CLEC16A: variants seen among roughly 807,000 people sequenced by gnomAD.
The protein encoded by CLEC16A is protein CLEC16A.
Under a neutral mutation model 109.5 loss-of-function variants are expected in CLEC16A, and 51 were observed. That is an observed-to-expected ratio of 0.47 (90% confidence interval 0.37 to 0.59). The LOEUF (loss-of-function observed/expected upper bound fraction) is 0.59, where lower values mean the gene tolerates loss of function less well. Ranked by LOEUF, CLEC16A falls within the 20% of genes least tolerant of loss-of-function variation. CLEC16A has a pLI of 0.00. For missense variants in CLEC16A, 1,339 were observed against 1,394.0 expected, an observed-to-expected ratio of 0.96 and a Z score of 0.63; for synonymous variants, 673 against 564.2, an observed-to-expected ratio of 1.19 and a Z score of -2.73.
intron 19 of CLEC16A, among the ~76,000 whole-genome samples, chr16:11,106,653 C>T (rs1426291096): frequency 1.3e-5 from 2 of 151,544 alleles, no homozygotes; most frequent in African/African-American, 4.9e-5. Flanking sequence ...CCTGGCTTCT[C>T]TTCTTTTTTT....
intron 19 of CLEC16A, among the ~76,000 whole-genome samples, chr16:11,095,593 C>T (rs912276476): frequency 8.5e-5 from 13 of 152,118 alleles, no homozygotes; most frequent in African/African-American, 3.1e-4. Flanking sequence ...AGGCAGATCA[C>T]CTGAGATCAG....
intron 1 of CLEC16A, among the ~76,000 whole-genome samples, chr16:10,953,709 G>A (rs939404561): frequency 6.6e-6 from 1 of 152,236 alleles, no homozygotes; most frequent in African/African-American, 2.4e-5. Flanking sequence ...AGGCGCGGTG[G>A]CTCACGCCTG....
Position 11,050,647 on chromosome 16 carries a change from C to A in CLEC16A, c.1867-866C>A, listed in dbSNP as rs113471308. 2.5e-3 allele frequency among the ~76,000 whole-genome samples: 383 copies of A among 152,318 alleles called. 2 individuals carry two copies. Among genetic ancestry groups the A allele is most frequent in the African/African-American group, 8.6e-3 (359 of 41,560 alleles). On this transcript the variant is annotated intron_variant, in intron 17 of 23. Coordinates refer to ENST00000409790, the MANE Select transcript of CLEC16A (RefSeq NM_015226.3). ...GGGGATGTCACCCTGTGTCTTAGTC[C>A]TCAAAGAAGGCTTCGCAGAGGTGGT...
At chr16:11,133,820 C>G (rs957651100) in intron 22 of CLEC16A, among the ~76,000 whole-genome samples, 1 of 152,166 alleles carries the variant, frequency 6.6e-6, no homozygotes, top group Non-Finnish European at 1.5e-5. Flanking sequence ...GAAGAAGGAC[C>G]TGGGGCTTCC....
At chr16:11,044,219 T>A (rs2152860862) in intron 16 of CLEC16A, 147 bp downstream of exon 16, 2 of 604,788 alleles carry the variant, frequency 3.3e-6, no homozygotes, top group East Asian at 6.6e-5. Flanking sequence ...AATTTCATAG[T>A]CCCTAGAGTA....
intron 19 of CLEC16A, among the ~76,000 whole-genome samples, chr16:11,120,138 C>G (rs567995993): frequency 2.0e-5 from 3 of 152,206 alleles, no homozygotes; most frequent in African/African-American, 4.8e-5. Context: ...CCCAGCTAAT[C>G]TTTTGTAGTT....
chr16:11,101,822 A>G (rs998800533), intron 19 of CLEC16A, among the ~76,000 whole-genome samples: 16 of 149,276 alleles, frequency 1.1e-4, no homozygotes, highest in African/African-American at 3.7e-4. Flanking sequence ...TTTTTTTTTG[A>G]AACAGGGTAT....
At chr16:10,991,334 G>T (rs370096168) in intron 10 of CLEC16A, among the ~76,000 whole-genome samples, 1 of 143,980 alleles carries the variant, frequency 6.9e-6, no homozygotes, top group Non-Finnish European at 1.5e-5. Context: ...TGGTCATAAA[G>T]AACATCGTGA....
intron 2 of CLEC16A, among the ~76,000 whole-genome samples, chr16:10,959,012 C>CGG (rs1555518327): frequency 2.7e-5 from 3 of 113,092 alleles, no homozygotes; most frequent in African/African-American, 1.3e-4. Flanking sequence ...CCACTAAACA[C>CGG]GGGTGTGTGT....
rs531803471 is a variant in CLEC16A, at chr16:11,155,772, G to A, written c.2642-10616G>A. The stretch of plus-strand genomic sequence containing the variant: ...GAGACTTTGGTGAGGTGACCCAGCT[G>A]CAGAAGTTAACTACCCCACCCTGCA... On this transcript the variant is annotated intron_variant, in intron 22 of 23. Transcript: ENST00000409790. Among the ~76,000 whole-genome samples the A allele has an allele frequency of 1.8e-4, 28 of 152,322 alleles. No individual in the cohort carries two copies. In the South Asian group the frequency reaches 5.6e-3, roughly 30 times the overall value.
At chr16:11,161,641 A>G (rs910717165) in intron 22 of CLEC16A, among the ~76,000 whole-genome samples, 4 of 152,224 alleles carry the variant, frequency 2.6e-5, no homozygotes, top group African/African-American at 9.6e-5. Flanking sequence ...ATCTAGGCAT[A>G]AAGAGCAGAG....
chr16:11,058,902 CCTTT>C (rs1437155926), intron 18 of CLEC16A, among the ~76,000 whole-genome samples: 3 of 152,140 alleles, frequency 2.0e-5, no homozygotes, highest in Admixed American at 6.5e-5. Flanking sequence ...TGGGCCGTTT[CCTTT>C]CTTTCTCATC....
intron 19 of CLEC16A, among the ~76,000 whole-genome samples, chr16:11,101,598 C>G (rs1485893830): frequency 2.0e-5 from 3 of 152,202 alleles, no homozygotes; most frequent in Admixed American, 2.0e-4. Flanking sequence ...AGGCATCCCT[C>G]CTCTCCACAG....
intron 22 of CLEC16A, among the ~76,000 whole-genome samples, chr16:11,132,237 C>CCCCCCCCCCCG (rs1555498110): frequency 3.7e-5 from 5 of 136,142 alleles, no homozygotes; most frequent in African/African-American, 1.4e-4. Context: ...CCCACCCACC[C>CCCCCCCCCCCG]CCCCCGCCCC....
rs146628825 is a variant in CLEC16A at position 11,113,243 on chromosome 16, C to G, written c.2117-7372C>G. Among the ~76,000 whole-genome samples the G allele has an allele frequency of 2.7e-3, 417 of 152,366 alleles. 3 individuals are homozygous for G. The highest frequency in any genetic ancestry group is 9.8e-3 in the African/African-American group (406 of 41,586). ...TGGCCAGCAGCTTGGCCTAGTGCTG[C>G]TCCCCAACCCTGGCTGGGCCTCATA... On this transcript the variant is annotated intron_variant, in intron 19 of 23. Coordinates refer to ENST00000409790, the MANE Select transcript of CLEC16A (RefSeq NM_015226.3).
intron 22 of CLEC16A, among the ~76,000 whole-genome samples, chr16:11,138,724 C>A (rs1203730683): frequency 6.6e-6 from 1 of 152,224 alleles, no homozygotes; most frequent in Non-Finnish European, 1.5e-5. Context: ...TGTTTTCACT[C>A]AACAGCGTAT....
chr16:11,049,478 T>TTTTG (rs59518471), intron 17 of CLEC16A, among the ~76,000 whole-genome samples: 59,989 of 150,914 alleles, frequency 0.4, 12,085 homozygotes, highest in Middle Eastern at 0.45. Context: ...TCCCAGGTTT[T>TTTTG]TTTGTTTGTT....
intron 19 of CLEC16A, chr16:11,070,841 A>T (rs1203111103): frequency 1.3e-5 from 2 of 152,306 alleles, no homozygotes; most frequent in African/African-American, 4.8e-5. Context: ...TCCCTAGCAC[A>T]AGTACACTGG....
At chr16:11,109,003 C>T (rs1399456912) in intron 19 of CLEC16A, among the ~76,000 whole-genome samples, 2 of 148,870 alleles carry the variant, frequency 1.3e-5, no homozygotes, top group East Asian at 2.1e-4. Context: ...CCCAGTTACT[C>T]GGGAGGCTGA....
Sources: allele counts gnomAD v4.1 joint callset (sites outside exome capture counted in the v4.1 genomes callset), GRCh38; gene constraint gnomAD v4.1.1; transcripts MANE v1.5; gene names NCBI Gene and HGNC (gene_info 2026-07-23, HGNC 2026-07-21).